FAF2: variants seen among roughly 807,000 people sequenced by gnomAD.
FAF2 encodes the protein Fas associated factor family member 2.
In FAF2, 9 loss-of-function variants were observed where a neutral mutation model predicts 62.3. The ratio of observed to expected loss-of-function variants is 0.14; its 90% CI spans 0.09 to 0.25. The LOEUF is 0.25. FAF2 is among the 10% of genes least tolerant of loss of function. The probability of loss-of-function intolerance (pLI) is 1.00; values close to 1 mark genes in which losing one functional copy is unlikely to be tolerated. For synonymous variants in FAF2, 202 were observed against 198.0 expected, an observed-to-expected ratio of 1.02 and a Z score of -0.17; for missense variants, 368 against 556.2, an observed-to-expected ratio of 0.66 and a Z score of 3.40.
chr5:176,478,644 A>G (rs975479730), intron 1 of FAF2, among the ~76,000 whole-genome samples: 1 of 152,248 alleles, frequency 6.6e-6, no homozygotes, highest in Non-Finnish European at 1.5e-5. Context: ...AGTATTCCTT[A>G]TCTAAAATGC....
chr5:176,482,857 C>T (rs1035807202), intron 2 of FAF2, among the ~76,000 whole-genome samples: 4 of 151,708 alleles, frequency 2.6e-5, no homozygotes, highest in Admixed American at 6.6e-5. Flanking sequence ...TCCCTTTCTG[C>T]GAGTTATCTT....
chr5:176,475,320 A>G (rs1264419157), intron 1 of FAF2, among the ~76,000 whole-genome samples: 1 of 151,894 alleles, frequency 6.6e-6, no homozygotes, highest in Non-Finnish European at 1.5e-5. Flanking sequence ...TTTTATAGAG[A>G]TGGAGTTTCT....
intron 1 of FAF2, among the ~76,000 whole-genome samples, chr5:176,471,375 C>CTTTT (rs138149987): frequency 4.1e-4 from 40 of 97,614 alleles, no homozygotes; most frequent in Non-Finnish European, 5.1e-4. Context: ...TCTGTACATT[C>CTTTT]TTTTTTTTTT....
At chr5:176,504,882 G>T (rs1755650089) in intron 10 of FAF2, among the ~76,000 whole-genome samples, 1 of 152,244 alleles carries the variant, frequency 6.6e-6, no homozygotes, top group East Asian at 1.9e-4. Flanking sequence ...AGTTAACCAG[G>T]CATGGTGTTG....
At chr5:176,468,822 T>C (rs1474181785) in intron 1 of FAF2, among the ~76,000 whole-genome samples, 1 of 150,872 alleles carries the variant, frequency 6.6e-6, no homozygotes, top group Non-Finnish European at 1.5e-5. Context: ...TACGTGCCTG[T>C]AGTCCTAGCT....
chr5:176,475,380 C>T (rs1055298093), intron 1 of FAF2, among the ~76,000 whole-genome samples: 1 of 152,132 alleles, frequency 6.6e-6, no homozygotes, highest in East Asian at 1.9e-4. Context: ...GATCCACCCA[C>T]CTTGGCTTCC....
chr5:176,503,153 G>C (rs963232543), intron 10 of FAF2, among the ~76,000 whole-genome samples: 1 of 152,218 alleles, frequency 6.6e-6, no homozygotes, highest in East Asian at 1.9e-4. Flanking sequence ...GAGATGGAAA[G>C]AAGTGTGTAA....
At chr5:176,458,088 CCTTCT>C (rs536956544) in intron 1 of FAF2, among the ~76,000 whole-genome samples, 49 of 147,032 alleles carry the variant, frequency 3.3e-4, no homozygotes, top group Non-Finnish European at 5.7e-4. Flanking sequence ...TCCTCTTCTC[CCTTCT>C]CTTCTCTTCC....
intron 1 of FAF2, among the ~76,000 whole-genome samples, chr5:176,458,208 C>T (rs918492599): frequency 5.9e-5 from 9 of 151,928 alleles, no homozygotes; most frequent in Non-Finnish European, 1.3e-4. Context: ...CCCCTTCTTG[C>T]GTAGCTGGGA....
chr5:176,451,784 GTGTA>G (rs1445143309), intron 1 of FAF2, among the ~76,000 whole-genome samples: 30 of 92,786 alleles, frequency 3.2e-4, no homozygotes, highest in Non-Finnish European at 5.4e-4. Flanking sequence ...ACGTGTGTGT[GTGTA>G]TATATATATA....
At chr5:176,497,243 T>C (rs1755511377) in intron 8 of FAF2, among the ~76,000 whole-genome samples, 1 of 151,220 alleles carries the variant, frequency 6.6e-6, no homozygotes, top group Non-Finnish European at 1.5e-5. Context: ...ATAAAGAACT[T>C]CGATGTAAAA....
Position 176,477,172 on chromosome 5 carries a change from C to T in FAF2, c.64-2016C>T, listed in dbSNP as rs150457241. Among the ~76,000 whole-genome samples the T allele has an allele frequency of 1.7e-4, 24 of 139,520 alleles. 1 individual carries two copies. The East Asian group carries it at 4.5e-3, about 26-fold the overall frequency. 91.5% of individuals were successfully genotyped at this position (139,520 alleles called of 152,430 possible). On this transcript the variant is annotated intron_variant, in intron 1 of 10. Coordinates refer to ENST00000261942, the MANE Select transcript of FAF2 (RefSeq NM_014613.3). Reference sequence around the variant, plus strand: ...GTGTTAGCCAGGATGGTCTGGATCTCCTGACCTCATGATCTGACCGCCTCG... The same window carrying T: ...GTGTTAGCCAGGATGGTCTGGATCTTCTGACCTCATGATCTGACCGCCTCG...
intron 2 of FAF2, among the ~76,000 whole-genome samples, chr5:176,484,839 C>G (rs1361736670): frequency 6.7e-6 from 1 of 150,118 alleles, no homozygotes; most frequent in African/African-American, 2.5e-5. Flanking sequence ...TTGCAGTGAG[C>G]TGAGATCATG....
chr5:176,492,468 T>A, intron 5 of FAF2, 136 bp downstream of exon 5: 1 of 1,004,362 alleles, frequency 1.0e-6, no homozygotes, highest in Non-Finnish European at 1.4e-6. Context: ...TAGGGGTGGG[T>A]AATAAAAAAG....
At chr5:176,487,068 C>T (rs1023714530) in intron 3 of FAF2, among the ~76,000 whole-genome samples, 2 of 152,178 alleles carry the variant, frequency 1.3e-5, no homozygotes, top group Non-Finnish European at 2.9e-5. Context: ...TGGGGTTATA[C>T]TCACCTCTTA....
intron 2 of FAF2, among the ~76,000 whole-genome samples, chr5:176,481,156 C>T (rs533458432): frequency 1.3e-5 from 2 of 152,130 alleles, no homozygotes; most frequent in South Asian, 2.1e-4. Flanking sequence ...AAGCAATTCT[C>T]CTGCCTCAGT....
chr5:176,481,813 C>T (rs1042697668), intron 2 of FAF2, among the ~76,000 whole-genome samples: 6 of 152,102 alleles, frequency 3.9e-5, no homozygotes, highest in South Asian at 2.1e-4. Flanking sequence ...GCTACCACAC[C>T]GGGCCCTAGC....
At chr5:176,499,738 G>A (rs1755560652) in intron 9 of FAF2, among the ~76,000 whole-genome samples, 1 of 151,910 alleles carries the variant, frequency 6.6e-6, no homozygotes, top group South Asian at 2.1e-4. Flanking sequence ...GTCCTGCTGT[G>A]GCCTCTGAAG....
At chr5:176,489,602 A>G (rs1445750314) in intron 4 of FAF2, among the ~76,000 whole-genome samples, 1 of 152,082 alleles carries the variant, frequency 6.6e-6, no homozygotes, top group African/African-American at 2.4e-5. Flanking sequence ...CAGTGCCACC[A>G]TCTCGACTCA....
Sources: allele counts gnomAD v4.1 joint callset (sites outside exome capture counted in the v4.1 genomes callset), GRCh38; gene constraint gnomAD v4.1.1; transcripts MANE v1.5; gene names NCBI Gene and HGNC (gene_info 2026-07-23, HGNC 2026-07-21).